The following CPNE1 variants were observed in gnomAD, a reference collection of about 807,000 sequenced individuals.
CPNE1 encodes copine-1.
Under a neutral mutation model 63.2 loss-of-function variants are expected in CPNE1, and 58 were observed. The ratio of observed to expected loss-of-function variants is 0.92; its 90% confidence interval spans 0.74 to 1.14. The LOEUF (loss-of-function observed/expected upper bound fraction) is 1.14. Among genes scored for constraint, CPNE1 ranks in the 50% most tolerant of loss-of-function variants. CPNE1 has a pLI of 0.00. For synonymous variants in CPNE1, 237 were observed against 249.0 expected (o/e 0.95, Z 0.45); for missense variants, 672 against 661.7 (o/e 1.02, Z -0.17).
chr20:35,641,263 T>C lies in CPNE1; in HGVS notation c.1-8340A>G, dbSNP rs1052772527. On this transcript the variant is annotated intron_variant, in intron 1 of 15. Transcript: ENST00000397443. ...AGGCCACATATATGGTTAAGTGAAA[T>C]GAAGACTAGAACTCAAATATTCTGA... 2.0e-5 allele frequency among the ~76,000 whole-genome samples: 3 copies of C among 152,236 alleles called. No individual in the cohort carries two copies. The East Asian group carries it at 5.8e-4, about 29-fold the overall frequency.
chr20:35,627,386 C>A lies in CPNE1; in HGVS notation c.1130G>T (p.Arg377Leu). The part of the protein sequence containing the change: ...AGIQGIVDAY[R>L]QALPQVRLYG... ...GAGGCGAACTTGGGGCAGGGCTTGG[C>A]GGTAGGCATCCACAATGCCCTGGAT... The change falls in exon 14 of 16, where the codon CGC (arginine) becomes CTC (leucine). Residue 377 changes from arginine to leucine, a missense_variant. Coordinates refer to ENST00000397443, the MANE Select transcript of CPNE1 (RefSeq NM_152925.3). 6.2e-7 allele frequency: 1 copy of A among 1,613,948 alleles called. No individual in the cohort carries two copies. Among genetic ancestry groups the A allele is most frequent in the Non-Finnish European group, 8.5e-7 (1 of 1,179,968 alleles).
chr20:35,631,343 T>C lies in CPNE1; in HGVS notation c.726A>G (p.Glu242=), dbSNP rs2032123227. ...AQLQAVPAEF[E]CIHPEKQQKK... Reference sequence around the variant, plus strand: ...TCTGCTGCTTCTCAGGGTGGATGCATTCAAACTCAGCCTGGTGAGGACAGA... The same window carrying C: ...TCTGCTGCTTCTCAGGGTGGATGCACTCAAACTCAGCCTGGTGAGGACAGA... The change falls in exon 9 of 16, where the codon GAA becomes GAG. Residue 242 remains glutamate (E), a synonymous_variant. Transcript: ENST00000397443. 6.2e-7 allele frequency: 1 copy of C among 1,614,112 alleles called. No individual in the cohort carries two copies. Among genetic ancestry groups the C allele is most frequent in the Non-Finnish European group, 8.5e-7 (1 of 1,179,994 alleles).
At chr20:35,652,629 A>T in intron 1 of CPNE1, 2 of 1,614,168 alleles carry the variant, frequency 1.2e-6, no homozygotes, top group Non-Finnish European at 1.7e-6. Flanking sequence ...CCATGGCTTC[A>T]CCTGTGGGCA....
At chr20:35,654,331 G>C in intron 1 of CPNE1, 1 of 1,614,092 alleles carries the variant, frequency 6.2e-7, no homozygotes, top group Non-Finnish European at 8.5e-7. Context: ...CAAATGCACT[G>C]CATCAACACG....
rs767501752 is a variant in CPNE1, at chr20:35,632,624, A to C, written c.202T>G (p.Phe68Val). 7 of 1,550,162 alleles carry C rather than the reference A, an allele frequency of 4.5e-6. No individual in the cohort carries two copies. The highest frequency in any genetic ancestry group is 1.7e-4 in the Middle Eastern group (1 of 5,942). ...FSKTLQLEYRFETVQKLRFGI... is the reference protein window; with the variant it reads ...FSKTLQLEYRVETVQKLRFGI... ...AAGCGTAGCTTCTGGACTGTCTCAA[A>C]GCGGTACTCAAGCTGTAGAGTCTTG... The change falls in exon 3 of 16, where the codon TTT becomes GTT. Residue 68 changes from phenylalanine to valine, a missense_variant. Physicochemically the swap from Phe to Val is conservative, Grantham distance 50 (BLOSUM62 -1). Transcript: ENST00000397443.
rs368084332 is a variant in CPNE1, at chr20:35,626,193, G to A, written c.*48C>T. 62 of 1,593,754 alleles carry A rather than the reference G, an allele frequency of 3.9e-5. No individual in the cohort carries two copies. The African/African-American group carries it at 7.8e-4, about 20-fold the overall frequency. On this transcript the variant is annotated 3_prime_UTR_variant, in exon 16 of 16. Coordinates refer to ENST00000397443, the MANE Select transcript of CPNE1 (RefSeq NM_152925.3). ...GAAGGGTTGGGTTGTGGCCCAGAGG[G>A]ACCTCTGGGACACAGGATTGAGGAC...
chr20:35,664,433 G>A (rs1477406329), intron 1 of CPNE1: 2 of 152,348 alleles, frequency 1.3e-5, no homozygotes, highest in East Asian at 3.8e-4. Context: ...TCGGGATGTA[G>A]GCGTGTTTTT....
intron 1 of CPNE1, chr20:35,655,289 T>G: frequency 6.2e-7 from 1 of 1,611,640 alleles, no homozygotes; most frequent in South Asian, 1.1e-5. Context: ...CCCGCCACAA[T>G]TGGGAGACCT....
Position 35,632,241 on chromosome 20 carries a change from A to T in CPNE1, c.385-7T>A. The T allele has an allele frequency of 6.2e-7, 1 of 1,613,946 alleles. No homozygotes were observed. The highest frequency in any genetic ancestry group is 8.5e-7 in the Non-Finnish European group (1 of 1,179,844). ...TTAATTCCTGAGCTGAGACCTAGGTAGGGGAGACTACATCACCTCATGAAT... is the reference window on the plus strand; with the variant it reads ...TTAATTCCTGAGCTGAGACCTAGGTTGGGGAGACTACATCACCTCATGAAT... On this transcript the variant is annotated splice_region_variant and splice_polypyrimidine_tract_variant and intron_variant, in intron 4 of 15. Transcript: ENST00000397443.
intron 1 of CPNE1, chr20:35,655,369 C>A (rs771955289): frequency 6.5e-7 from 1 of 1,549,892 alleles, no homozygotes; most frequent in Non-Finnish European, 8.7e-7. Flanking sequence ...AGGCAACGGC[C>A]AGGTCAGACT....
At chr20:35,634,563 C>T (rs1435540754) in intron 1 of CPNE1, among the ~76,000 whole-genome samples, 2 of 152,060 alleles carry the variant, frequency 1.3e-5, no homozygotes, top group African/African-American at 4.8e-5. Flanking sequence ...CACCGTACTC[C>T]AGCCTGGGCA....
intron 1 of CPNE1, among the ~76,000 whole-genome samples, chr20:35,644,111 G>A (rs1292220968): frequency 1.3e-5 from 2 of 152,188 alleles, no homozygotes; most frequent in East Asian, 3.8e-4. Context: ...AGGATTACAT[G>A]AGGACAGTCA....
Position 35,632,698 on chromosome 20 carries a change from T to C in CPNE1, c.130-2A>G. ...CCGCACCCGTTCAGTCCGGCCAAGC[T>C]GTGGGCAGAGGCCAGTAAGCATCAC... On this transcript the variant is annotated splice_acceptor_variant, in intron 2 of 15. Transcript: ENST00000397443. LOFTEE classifies it high-confidence loss of function. 1.0e-6 allele frequency: 1 copy of C among 968,042 alleles called. No homozygotes were observed. The highest frequency in any genetic ancestry group is 1.7e-6 in the Non-Finnish European group (1 of 589,038). 60.0% of individuals were successfully genotyped at this position (968,042 alleles called of 1,614,324 possible).
Position 35,632,559 on chromosome 20 carries a change from C to T in CPNE1, c.267G>A (p.Arg89=). 6.2e-7 allele frequency: 1 copy of T among 1,614,136 alleles called. No homozygotes were observed. Among genetic ancestry groups the T allele is most frequent in the Non-Finnish European group, 8.5e-7 (1 of 1,179,984 alleles). The change falls in exon 3 of 16, where the codon AGG becomes AGA. Residue 89 remains arginine (R), a synonymous_variant. Transcript: ENST00000397443. ...YDIDNKTPEL[R]DDDFLGGAEC... ...CAGCACCCCCTAGGAAGTCATCATC[C>T]CTCAGCTCTGGCGTCTTGTTGTCTA...
chr20:35,651,598 G>T (rs1430912415), intron 1 of CPNE1: 1 of 152,012 alleles, frequency 6.6e-6, no homozygotes, highest in Non-Finnish European at 1.5e-5. Context: ...TCACATAATC[G>T]GGACAGGAGG....
chr20:35,653,798 C>T, intron 1 of CPNE1: 1 of 1,613,860 alleles, frequency 6.2e-7, no homozygotes, highest in African/African-American at 1.3e-5. Flanking sequence ...TCTAGCATAC[C>T]TTTCTTAGTA....
intron 1 of CPNE1, chr20:35,652,759 G>A (rs779156891): frequency 5.0e-6 from 8 of 1,612,532 alleles, no homozygotes; most frequent in Admixed American, 1.7e-5. Flanking sequence ...AATTACTGTC[G>A]GTCCTGGTTT....
intron 1 of CPNE1, among the ~76,000 whole-genome samples, chr20:35,644,699 A>G (rs1461111444): frequency 1.3e-5 from 2 of 152,122 alleles, no homozygotes; most frequent in African/African-American, 4.8e-5. Flanking sequence ...ATTCACCCCA[A>G]TCTGAAATCT....
chr20:35,630,102 T>C lies in CPNE1; in HGVS notation c.1102+337A>G, dbSNP rs1178181952. 5.3e-5 allele frequency among the ~76,000 whole-genome samples: 8 copies of C among 152,052 alleles called. No homozygotes were observed. The East Asian group carries it at 1.4e-3, about 26-fold the overall frequency. On this transcript the variant is annotated intron_variant, in intron 13 of 15. Transcript: ENST00000397443. ...TGAGGTCAGGAATTCGAGACCACCC[T>C]GGCCAACATGGCAAAACCCCGTCTC...
Sources: allele counts gnomAD v4.1 joint callset (sites outside exome capture counted in the v4.1 genomes callset), GRCh38; gene constraint gnomAD v4.1.1; transcripts MANE v1.5; gene names NCBI Gene and HGNC (gene_info 2026-07-23, HGNC 2026-07-21).